Variants in PPCDC observed in about 807,000 individuals in gnomAD.
The protein encoded by PPCDC is phosphopantothenoylcysteine decarboxylase.
A neutral mutation model predicts 20.7 loss-of-function variants in PPCDC; 20 were observed. The ratio of observed to expected loss-of-function variants is 0.97; its 90% CI spans 0.68 to 1.41. PPCDC has a LOEUF of 1.41. PPCDC is among the 40% of genes most tolerant of loss of function. PPCDC has a pLI of 0.00. For synonymous variants in PPCDC, 88 were observed against 100.3 expected, an observed-to-expected ratio of 0.88 and a Z score of 0.73; for missense variants, 246 against 263.8, an observed-to-expected ratio of 0.93 and a Z score of 0.47.
chr15:75,028,016 A>T (rs1187170537), intron 1 of PPCDC, among the ~76,000 whole-genome samples: 1 of 152,192 alleles, frequency 6.6e-6, no homozygotes, highest in Non-Finnish European at 1.5e-5. Flanking sequence ...GGTCACCCTG[A>T]GCAGCCACGC....
chr15:75,046,625 C>T (rs956720255), intron 4 of PPCDC, among the ~76,000 whole-genome samples: 1 of 152,254 alleles, frequency 6.6e-6, no homozygotes, highest in Non-Finnish European at 1.5e-5. Flanking sequence ...TTCAAGGAAT[C>T]TCAAATTTTA....
intron 4 of PPCDC, among the ~76,000 whole-genome samples, chr15:75,046,759 C>T (rs533255091): frequency 6.6e-6 from 1 of 152,402 alleles, no homozygotes; most frequent in South Asian, 2.1e-4. Flanking sequence ...CTTTCCAGCG[C>T]CCAGGGCATG....
At chr15:75,044,168 G>T (rs2066193619) in intron 3 of PPCDC, among the ~76,000 whole-genome samples, 1 of 152,070 alleles carries the variant, frequency 6.6e-6, no homozygotes, top group Non-Finnish European at 1.5e-5. Flanking sequence ...GAAGGGAATA[G>T]CTCAGAGAGA....
rs753860688 is a variant in PPCDC at position 75,028,393 on chromosome 15, G to A, written c.75G>A (p.Thr25=). ...AATTCCATGTTCTTGTGGGTGTCAC[G>A]GGGAGTGTCGCAGCCCTGAAGTTGC... ...ERKFHVLVGV[T]GSVAALKLPL... is the part of the protein sequence containing the mutation. The change falls in exon 2 of 6, where the codon ACG becomes ACA. Residue 25 remains threonine (T), a synonymous_variant. Transcript: ENST00000342932. 4.5e-5 allele frequency: 73 copies of A among 1,614,108 alleles called. No homozygotes were observed. Among genetic ancestry groups the A allele is most frequent in the Middle Eastern group, 3.3e-4 (2 of 6,084 alleles).
At position 75,040,439 on chromosome 15, in the gene PPCDC, C is replaced by T. The variant is rs2066138725; in HGVS notation, c.136-3002C>T. On this transcript the variant is annotated intron_variant, in intron 2 of 5. Transcript: ENST00000342932. ...GGCTTCTGGGAGGGAGCAGAGTTTA[C>T]CTTATTTAACTAAAAGCTTTTTCTT... Among the ~76,000 whole-genome samples, 3 of 152,198 alleles carry T rather than the reference C, an allele frequency of 2.0e-5. No homozygotes were observed. The South Asian group carries it at 6.2e-4, about 32-fold the overall frequency.
At chr15:75,039,549 T>G (rs1202977220) in intron 2 of PPCDC, among the ~76,000 whole-genome samples, 1 of 152,230 alleles carries the variant, frequency 6.6e-6, no homozygotes, top group Non-Finnish European at 1.5e-5. Flanking sequence ...TGCCTCATGC[T>G]CACCTTTGTG....
intron 2 of PPCDC, among the ~76,000 whole-genome samples, chr15:75,029,429 A>G (rs1321829770): frequency 6.6e-6 from 1 of 152,134 alleles, no homozygotes; most frequent in Non-Finnish European, 1.5e-5. Context: ...TGAGCACCCA[A>G]GGTGCAGTGG....
intron 1 of PPCDC, among the ~76,000 whole-genome samples, chr15:75,025,644 C>T (rs2065951295): frequency 6.6e-6 from 1 of 152,146 alleles, no homozygotes; most frequent in African/African-American, 2.4e-5. Context: ...AGCGTGTAGC[C>T]CTATAACCTG....
intron 4 of PPCDC, among the ~76,000 whole-genome samples, chr15:75,047,201 G>A (rs371504604): frequency 2.3e-4 from 35 of 152,342 alleles, no homozygotes; most frequent in African/African-American, 8.4e-4. Flanking sequence ...TGCACACAGC[G>A]GAGCGACTTT....
At chr15:75,034,596 C>T (rs1177555758) in intron 2 of PPCDC, among the ~76,000 whole-genome samples, 2 of 152,216 alleles carry the variant, frequency 1.3e-5, no homozygotes, top group Admixed American at 1.3e-4. Context: ...AATGTACCCA[C>T]CAACTCCCCT....
chr15:75,029,426 CCA>C (rs1947314281), intron 2 of PPCDC, among the ~76,000 whole-genome samples: 1 of 152,176 alleles, frequency 6.6e-6, no homozygotes, highest in African/African-American at 2.4e-5. Flanking sequence ...AGCTGAGCAC[CCA>C]AGGTGCAGTG....
At chr15:75,045,514 G>C (rs1454662290) in intron 4 of PPCDC, among the ~76,000 whole-genome samples, 2 of 152,190 alleles carry the variant, frequency 1.3e-5, no homozygotes, top group Admixed American at 6.5e-5. Flanking sequence ...GTTTTTCAGA[G>C]TTTCATGTGG....
At chr15:75,027,764 T>C (rs1001670576) in intron 1 of PPCDC, among the ~76,000 whole-genome samples, 1 of 152,096 alleles carries the variant, frequency 6.6e-6, no homozygotes, top group African/African-American at 2.4e-5. Context: ...CCCACGGCAT[T>C]CTGGCCTCAC....
intron 1 of PPCDC, 80 bp from the exon 2 acceptor site, chr15:75,028,167 G>T: frequency 1.9e-6 from 2 of 1,047,620 alleles, no homozygotes; most frequent in Admixed American, 5.8e-5. Context: ...TCAGCCTCTG[G>T]CCTGGGGCCT....
At chr15:75,039,200 G>A (rs2066122327) in intron 2 of PPCDC, among the ~76,000 whole-genome samples, 1 of 152,124 alleles carries the variant, frequency 6.6e-6, no homozygotes, top group South Asian at 2.1e-4. Context: ...GTACTCATCT[G>A]GTATTGAAAT....
At chr15:75,038,597 G>C (rs1268881219) in intron 2 of PPCDC, among the ~76,000 whole-genome samples, 1 of 152,196 alleles carries the variant, frequency 6.6e-6, no homozygotes, top group Non-Finnish European at 1.5e-5. Context: ...GCCACCAGAA[G>C]AGCTGCTGTG....
intron 5 of PPCDC, among the ~76,000 whole-genome samples, chr15:75,048,947 C>T (rs1022674184): frequency 2.6e-5 from 4 of 152,182 alleles, no homozygotes; most frequent in South Asian, 2.1e-4. Context: ...GCAGCCCACA[C>T]GCAGTTAAGG....
At chr15:75,026,052 T>C (rs1375275819) in intron 1 of PPCDC, among the ~76,000 whole-genome samples, 1 of 152,188 alleles carries the variant, frequency 6.6e-6, no homozygotes, top group African/African-American at 2.4e-5. Flanking sequence ...GGGAAGCAGT[T>C]GAAGTCACTA....
intron 1 of PPCDC, among the ~76,000 whole-genome samples, chr15:75,026,642 G>A (rs1167429464): frequency 6.6e-6 from 1 of 152,228 alleles, no homozygotes; most frequent in Non-Finnish European, 1.5e-5. Context: ...GGCCCCTGTG[G>A]ATGCTCAGCC....
Sources: allele counts gnomAD v4.1 joint callset (sites outside exome capture counted in the v4.1 genomes callset), GRCh38; gene constraint gnomAD v4.1.1; transcripts MANE v1.5; gene names NCBI Gene and HGNC (gene_info 2026-07-23, HGNC 2026-07-21).